Variants in PRRG3 observed in about 807,000 individuals in gnomAD.
The protein encoded by PRRG3 is proline rich and Gla domain 3, also known as transmembrane gamma-carboxyglutamic acid protein 3.
A neutral mutation model predicts 15.8 loss-of-function variants in PRRG3; 21 were observed. The observed-to-expected ratio is 1.33, with a 90% CI of 0.94 to 1.92. PRRG3 has a LOEUF of 1.92. Ranked by LOEUF, PRRG3 falls within the 40% of genes most tolerant of loss-of-function variation. The pLI, the probability that PRRG3 is intolerant of heterozygous loss-of-function variation, is 0.00. For missense variants in PRRG3, 251 were observed against 200.2 expected (o/e 1.25, Z -1.53); for synonymous variants, 125 against 84.1 (o/e 1.49, Z -2.66).
In PRRG3 at chrX:151,703,664, A is replaced by T. The variant is rs921447611; in HGVS notation, c.*2631A>T. On this transcript the variant is annotated 3_prime_UTR_variant, in exon 4 of 4. Coordinates refer to ENST00000674457, the MANE Select transcript of PRRG3 (RefSeq NM_001372163.1). The stretch of plus-strand genomic sequence containing the variant: ...GGAAACGTGGCATTAACTATATTGG[A>T]CACCCAACCCCCAAAGTTGTCACTG... The T allele has an allele frequency of 5.4e-5, 6 of 110,308 alleles. No homozygotes were observed. Among genetic ancestry groups the T allele is most frequent in the Admixed American group, 4.8e-4 (5 of 10,365 alleles). 9.1% of individuals were successfully genotyped at this position (110,308 alleles called of 1,213,427 possible). A position where few individuals can be genotyped will look rare whatever the true frequency, so the allele number is the denominator to read the frequency against.
chrX:151,699,586 A>G (rs746369242), intron 2 of PRRG3, among the ~76,000 whole-genome samples: 9 of 112,861 alleles, frequency 8.0e-5, no homozygotes, highest in Non-Finnish European at 1.3e-4. Context: ...CTTAAAGAGG[A>G]ATACATTCTC....
chrX:151,697,119 CCTCCCTCCCTCT>C (rs200875708), intron 1 of PRRG3, among the ~76,000 whole-genome samples: 10,531 of 91,078 alleles, frequency 0.12, 727 homozygotes, highest in Non-Finnish European at 0.16. Flanking sequence ...TTCCTTCCTC[CCTCCCTCCCTCT>C]CTCCCTCCCT....
At chrX:151,696,916 T>C (rs1243862742) in intron 1 of PRRG3, among the ~76,000 whole-genome samples, 1 of 112,310 alleles carries the variant, frequency 8.9e-6, no homozygotes. Flanking sequence ...AGCCCCTTGA[T>C]GTGGCGTTTC....
chrX:151,695,367 C>A, upstream of PRRG3: 1 of 25,594 alleles, frequency 3.9e-5, no homozygotes, highest in Non-Finnish European at 7.9e-5. Context: ...GTGCCCGGGG[C>A]GGTGGGAGGG....
Position 151,703,856 on chromosome X carries a change from GGTTTTTT to G in PRRG3, c.*2824_*2830del. ...AAGAAATCTGAGTACTCCTGGGCAT[GGTTTTTT>G]TTTTTTTTTTTTTTTTTTTTTTTTT... is the stretch of plus-strand genomic sequence containing the variant. On this transcript the variant is annotated 3_prime_UTR_variant, in exon 4 of 4. Transcript: ENST00000674457. 1.1e-4 allele frequency: 1 copy of G among 8,957 alleles called. No individual in the cohort carries two copies. The highest frequency in any genetic ancestry group is 6.5e-4 in the Non-Finnish European group (1 of 1,539). The allele number at this position is 8,957 out of a possible 1,213,427, so 0.7% of individuals were successfully genotyped here.
chrX:151,698,997 T>C (rs958399606), intron 2 of PRRG3, among the ~76,000 whole-genome samples, 176 bp downstream of exon 2: 2 of 112,350 alleles, frequency 1.8e-5, no homozygotes, highest in African/African-American at 6.5e-5. Context: ...CCTTCTGAAG[T>C]ATATGTCACT....
intron 1 of PRRG3, among the ~76,000 whole-genome samples, chrX:151,696,935 G>A (rs760201942): frequency 8.9e-6 from 1 of 111,879 alleles, no homozygotes; most frequent in East Asian, 2.8e-4. Context: ...TCCACAAATA[G>A]ATGTCAGATC....
chrX:151,700,197 C>A (rs779190634), intron 3 of PRRG3, 41 bp downstream of exon 3: 2 of 1,211,113 alleles, frequency 1.7e-6, no homozygotes, highest in Non-Finnish European at 2.2e-6. Context: ...GTAGGAGTAG[C>A]CTCAGGAATA....
chrX:151,699,624 C>T (rs755722534), intron 2 of PRRG3, among the ~76,000 whole-genome samples: 1 of 112,966 alleles, frequency 8.9e-6, no homozygotes, highest in South Asian at 3.7e-4. Flanking sequence ...TTTCACTTTT[C>T]AAGGTGATGC....
rs775654193 is a variant in PRRG3, at chrX:151,700,580, T to C, written c.243T>C (p.Tyr81=). ...RDPSQSSDAM[Y]VVVPLLGVAL... ...CCTCGCAGAGCTCAGATGCCATGTA[T>C]GTGGTGGTACCCCTTCTGGGGGTGG... is the stretch of plus-strand genomic sequence containing the variant. The change falls in exon 4 of 4, where the codon TAT becomes TAC. Residue 81 remains tyrosine, a synonymous_variant. Coordinates refer to ENST00000674457, the MANE Select transcript of PRRG3 (RefSeq NM_001372163.1). 2.5e-6 allele frequency: 3 copies of C among 1,208,711 alleles called. No individual in the cohort carries two copies. Among genetic ancestry groups the C allele is most frequent in the South Asian group, 3.5e-5 (2 of 56,654 alleles).
Position 151,703,895 on chromosome X carries a change from TTTTTTTTTTTTTTTTTTTG to T in PRRG3, c.*2864_*2882del, listed in dbSNP as rs2014935856. On this transcript the variant is annotated 3_prime_UTR_variant, in exon 4 of 4. Transcript: ENST00000674457. ...TTTTTTTTTTTTTTTTTTTTTTTTT[TTTTTTTTTTTTTTTTTTTG>T]TGTGTGTGTGTGTGTGTGTGTGTGT... 1 of 40,155 alleles carries T rather than the reference TTTTTTTTTTTTTTTTTTTG, an allele frequency of 2.5e-5. No individual in the cohort carries two copies. The highest frequency in any genetic ancestry group is 1.1e-4 in the African/African-American group (1 of 8,903). The allele number at this position is 40,155 out of a possible 1,213,427, so 3.3% of individuals were successfully genotyped here.
Position 151,701,172 on chromosome X carries a change from A to T in PRRG3, c.*139A>T. Reference sequence around the variant, plus strand: ...AATAATTCCCTAACTGTGGAGTTTTAGGAAGTCAGTTGTCAGAGACAGGTG... The same window carrying T: ...AATAATTCCCTAACTGTGGAGTTTTTGGAAGTCAGTTGTCAGAGACAGGTG... On this transcript the variant is annotated 3_prime_UTR_variant, in exon 4 of 4. Transcript: ENST00000674457. 3 of 544,030 alleles carry T rather than the reference A, an allele frequency of 5.5e-6. No individual in the cohort carries two copies. The highest frequency in any genetic ancestry group is 7.8e-6 in the Non-Finnish European group (3 of 383,959). 44.8% of individuals were successfully genotyped at this position (544,030 alleles called of 1,213,427 possible).
rs955814863 is a variant in PRRG3 at position 151,704,028 on chromosome X, A to C, written c.*2995A>C. 9.4e-6 allele frequency: 1 copy of C among 105,971 alleles called. No individual in the cohort carries two copies. The highest frequency in any genetic ancestry group is 1.9e-5 in the Non-Finnish European group (1 of 51,719). 8.7% of individuals were successfully genotyped at this position (105,971 alleles called of 1,213,427 possible). On this transcript the variant is annotated 3_prime_UTR_variant, in exon 4 of 4. Transcript: ENST00000674457. ...TAGATGTTTTTCATTTTTCAAAAAG[A>C]AAAGGTTTTAAAAATTTTCTTGAAA...
rs1283183514 is a variant in PRRG3 at position 151,705,738 on chromosome X, C to T, written c.*4705C>T. ...CTTGTATTCATGTGTTGACCCTTGT[C>T]AGCTGGGAAATCTGTACATTCAGTA... On this transcript the variant is annotated 3_prime_UTR_variant, in exon 4 of 4. Coordinates refer to ENST00000674457, the MANE Select transcript of PRRG3 (RefSeq NM_001372163.1). 1 of 121,131 alleles carries T rather than the reference C, an allele frequency of 8.3e-6. No individual in the cohort carries two copies. Among genetic ancestry groups the T allele is most frequent in the Non-Finnish European group, 1.7e-5 (1 of 58,187 alleles). 10.0% of individuals were successfully genotyped at this position (121,131 alleles called of 1,213,427 possible). A position where few individuals can be genotyped will look rare whatever the true frequency, so the allele number is the denominator to read the frequency against.
chrX:151,705,235 C>T lies in PRRG3; in HGVS notation c.*4202C>T, dbSNP rs1297161771. 2 of 336,801 alleles carry T rather than the reference C, an allele frequency of 5.9e-6. No individual in the cohort carries two copies. Among genetic ancestry groups the T allele is most frequent in the Non-Finnish European group, 1.2e-5 (2 of 167,231 alleles). The allele number at this position is 336,801 out of a possible 1,213,427, so 27.8% of individuals were successfully genotyped here. A position where few individuals can be genotyped will look rare whatever the true frequency, so the allele number is the denominator to read the frequency against. On this transcript the variant is annotated 3_prime_UTR_variant, in exon 4 of 4. Transcript: ENST00000674457. ...AACTAGACTGCAATTTAAACTAATA[C>T]ACATGATGTATCTTTCTAAATATTC...
At chrX:151,700,315 C>T (rs139544150) in intron 3 of PRRG3, 159 bp downstream of exon 3, 2 of 1,145,723 alleles carry the variant, frequency 1.7e-6, no homozygotes, top group Non-Finnish European at 2.3e-6. Flanking sequence ...CGTACAGTCC[C>T]ATTGCCTGAC....
chrX:151,701,024 T>G lies in PRRG3; in HGVS notation c.687T>G (p.Ala229=). ...AGATAGTGGCCGCCAACCCTGGCGC[T>G]GACAAGTAGTGGGACGTTTGTGCCC... The part of the protein sequence containing the change: ...YEEIVAANPG[A]DK Residue 229 remains alanine (A), a synonymous_variant, in exon 4 of 4, where the codon GCT becomes GCG. Coordinates refer to ENST00000674457, the MANE Select transcript of PRRG3 (RefSeq NM_001372163.1). The G allele has an allele frequency of 8.7e-7, 1 of 1,143,168 alleles. No individual in the cohort carries two copies. The highest frequency in any genetic ancestry group is 2.7e-5 in the Admixed American group (1 of 36,686). The allele number at this position is 1,143,168 out of a possible 1,213,427, so 94.2% of individuals were successfully genotyped here.
At chrX:151,698,252 T>C (rs1255214096) in intron 1 of PRRG3, 2 of 112,373 alleles carry the variant, frequency 1.8e-5, no homozygotes, top group East Asian at 5.6e-4. Flanking sequence ...AGCTTTGTTT[T>C]CAGGGAACAT....
At position 151,699,987 on chromosome X, in the gene PRRG3, T is replaced by C; in HGVS notation, c.8-9T>C. On this transcript the variant is annotated splice_polypyrimidine_tract_variant and intron_variant, in intron 2 of 3. Transcript: ENST00000674457. ...CCCATTCCAGGCCTCAGTAGGGCTC[T>C]CTCCTCAGTGTTTCTGGAGGCCAAG... 8.3e-7 allele frequency: 1 copy of C among 1,198,077 alleles called. No individual in the cohort carries two copies. The highest frequency in any genetic ancestry group is 1.1e-6 in the Non-Finnish European group (1 of 887,276).
Sources: allele counts gnomAD v4.1 joint callset (sites outside exome capture counted in the v4.1 genomes callset), GRCh38; gene constraint gnomAD v4.1.1; transcripts MANE v1.5; gene names NCBI Gene and HGNC (gene_info 2026-07-23, HGNC 2026-07-21).